Variants in DLEC1 observed in about 807,000 individuals in gnomAD.
DLEC1 encodes DLEC1 cilia and flagella associated protein.
A neutral mutation model predicts 198.1 loss-of-function variants in DLEC1; 146 were observed. That is an observed-to-expected ratio of 0.74 (90% CI 0.64 to 0.85). The LOEUF (loss-of-function observed/expected upper bound fraction) is 0.85, where lower values mean the gene tolerates loss of function less well. Ranked by LOEUF, DLEC1 falls within the 40% of genes least tolerant of loss-of-function variation. DLEC1 has a pLI of 0.00. For missense variants in DLEC1, 2,233 were observed against 2,220.0 expected, an observed-to-expected ratio of 1.01 and a Z score of -0.12; for synonymous variants, 897 against 866.8, an observed-to-expected ratio of 1.03 and a Z score of -0.61.
chr3:38,108,361 G>A, intron 20 of DLEC1, 44 bp from the exon 21 acceptor site: 1 of 1,512,116 alleles, frequency 6.6e-7, no homozygotes, highest in Non-Finnish European at 9.2e-7. Context: ...GGTCCATTCT[G>A]GGAGCCCAGT....
intron 2 of DLEC1, among the ~76,000 whole-genome samples, chr3:38,057,491 CA>C (rs112173978): frequency 2.5e-4 from 35 of 139,088 alleles, no homozygotes; most frequent in Non-Finnish European, 2.3e-4. Context: ...GACTGTGTCT[CA>C]AAAAAAAAAA....
At chr3:38,100,099 A>G (rs1248596627) in intron 18 of DLEC1, among the ~76,000 whole-genome samples, 187 bp from the exon 19 acceptor site, 1 of 152,112 alleles carries the variant, frequency 6.6e-6, no homozygotes, top group East Asian at 1.9e-4. Flanking sequence ...CTCAGTTTCT[A>G]TGCTCTTAAT....
chr3:38,093,801 C>A, intron 12 of DLEC1, 34 bp downstream of exon 12: 2 of 1,608,552 alleles, frequency 1.2e-6, no homozygotes, highest in Non-Finnish European at 1.7e-6. Flanking sequence ...CAATACCCAA[C>A]CCTTCTTCTT....
At chr3:38,095,171 C>T in intron 13 of DLEC1, 100 bp downstream of exon 13, 2 of 1,459,876 alleles carry the variant, frequency 1.4e-6, no homozygotes, top group Non-Finnish European at 9.4e-7. Flanking sequence ...GCTGGGCCCA[C>T]CGAGGTGCTA....
In DLEC1 at chr3:38,115,006, G is replaced by A. The variant is rs771806931; in HGVS notation, c.3809G>A (p.Gly1270Glu). 3 of 1,613,992 alleles carry A rather than the reference G, an allele frequency of 1.9e-6. No homozygotes were observed. The highest frequency in any genetic ancestry group is 2.5e-6 in the Non-Finnish European group (3 of 1,179,928). Reference sequence around the variant, plus strand: ...AGGTTCGGCACCCAGGTCTCCGGAGGAGACACAGTTACCCGAACCCTTCGC... The same window carrying A: ...AGGTTCGGCACCCAGGTCTCCGGAGAAGACACAGTTACCCGAACCCTTCGC... The part of the protein sequence containing the change: ...AMRFGTQVSG[G>E]DTVTRTLRLN... The change falls in exon 27 of 37, where the codon GGA (glycine) becomes GAA (glutamate). Residue 1270 changes from glycine (G) to glutamate (E), a missense_variant. Coordinates refer to ENST00000308059, the MANE Select transcript of DLEC1 (RefSeq NM_007335.4).
intron 6 of DLEC1, among the ~76,000 whole-genome samples, chr3:38,073,599 G>A (rs529296984): frequency 3.9e-4 from 60 of 152,270 alleles, no homozygotes; most frequent in Middle Eastern, 3.4e-3. Context: ...AGTAGTCAGG[G>A]AAGCAGATAA....
intron 6 of DLEC1, among the ~76,000 whole-genome samples, chr3:38,080,961 G>A (rs566738974): frequency 6.6e-5 from 9 of 137,166 alleles, no homozygotes; most frequent in South Asian, 2.4e-4. Context: ...AGGACCCTGC[G>A]GCCTTCCGCA....
rs1700510474 is a variant in DLEC1 at position 38,122,186 on chromosome 3, C to T, written c.5136C>T (p.Phe1712=). 6.2e-7 allele frequency: 1 copy of T among 1,613,940 alleles called. No homozygotes were observed. Among genetic ancestry groups the T allele is most frequent in the Admixed American group, 1.7e-5 (1 of 59,994 alleles). The change falls in exon 36 of 37, where the codon TTC becomes TTT. Residue 1712 remains phenylalanine, a synonymous_variant. Transcript: ENST00000308059. ...PPTSIALQVF[F]TARSSELYES... ...CCTCCATCGCCTTGCAGGTTTTCTT[C>T]ACTGCCAGGTGCAGCCCCTTCCAAC...
chr3:38,095,867 G>A, intron 13 of DLEC1, 21 bp from the exon 14 acceptor site: 2 of 1,613,730 alleles, frequency 1.2e-6, no homozygotes, highest in East Asian at 2.2e-5. Flanking sequence ...GTGTTTTCAG[G>A]GCACTGTGTT....
chr3:38,057,508 A>G (rs535888997), intron 2 of DLEC1, among the ~76,000 whole-genome samples: 2 of 152,184 alleles, frequency 1.3e-5, no homozygotes, highest in African/African-American at 4.8e-5. Context: ...AAAAAGAACT[A>G]CATGGATCAC....
At position 38,059,731 on chromosome 3, in the gene DLEC1, C is replaced by G. The variant is rs1472825277; in HGVS notation, c.563-11C>G. 1 of 1,610,002 alleles carries G rather than the reference C, an allele frequency of 6.2e-7. No homozygotes were observed. Among genetic ancestry groups the G allele is most frequent in the South Asian group, 1.1e-5 (1 of 90,318 alleles). On this transcript the variant is annotated splice_polypyrimidine_tract_variant and intron_variant, in intron 2 of 36. Transcript: ENST00000308059. ...TGGAAACACCTTGTTCTCCCCTTCC[C>G]TTCTATGAAGTGAAGAGTGTCTCCA...
In DLEC1 at chr3:38,066,230, A is replaced by G. The variant is rs3792522; in HGVS notation, c.1173+2311A>G. Among the ~76,000 whole-genome samples the G allele has an allele frequency of 3.2e-4, 48 of 152,334 alleles. No homozygotes were observed. In the East Asian group the frequency reaches 9.2e-3, roughly 29 times the overall value. On this transcript the variant is annotated intron_variant, in intron 6 of 36. Transcript: ENST00000308059. Reference sequence around the variant, plus strand: ...CACTTAATAGTTAACAGCCTAGATGACTGCCAGATGACTATTGTCCAGATC... The same window carrying G: ...CACTTAATAGTTAACAGCCTAGATGGCTGCCAGATGACTATTGTCCAGATC...
chr3:38,093,885 A>T (rs1237993664), intron 12 of DLEC1, 118 bp downstream of exon 12: 32 of 1,329,700 alleles, frequency 2.4e-5, no homozygotes, highest in Non-Finnish European at 2.8e-5. Context: ...CACAGAATGG[A>T]TATCCAAATT....
At chr3:38,074,885 G>A (rs1697521194) in intron 6 of DLEC1, among the ~76,000 whole-genome samples, 3 of 152,298 alleles carry the variant, frequency 2.0e-5, no homozygotes, top group Non-Finnish European at 4.4e-5. Context: ...AGAGAGGTCT[G>A]ATAGAGAAAA....
intron 19 of DLEC1, 46 bp from the exon 20 acceptor site, chr3:38,107,535 TTAC>T (rs1371303572): frequency 6.7e-7 from 1 of 1,490,896 alleles, no homozygotes; most frequent in Non-Finnish European, 9.0e-7. Flanking sequence ...AGGGACAGCT[TTAC>T]TTCTTCTTTT....
intron 20 of DLEC1, 119 bp downstream of exon 20, chr3:38,107,856 A>C: frequency 8.5e-7 from 1 of 1,178,492 alleles, no homozygotes; most frequent in Non-Finnish European, 1.2e-6. Context: ...CCTCCCTCCC[A>C]CAGCCTGTCC....
At chr3:38,062,907 A>G in intron 5 of DLEC1, 106 bp downstream of exon 5, 1 of 1,220,466 alleles carries the variant, frequency 8.2e-7, no homozygotes, top group Non-Finnish European at 1.1e-6. Flanking sequence ...CTTGTGGGGC[A>G]GGGTAGCAGT....
At chr3:38,115,505 C>G (rs1700106035) in intron 27 of DLEC1, among the ~76,000 whole-genome samples, 1 of 143,480 alleles carries the variant, frequency 7.0e-6, no homozygotes, top group South Asian at 2.1e-4. Context: ...TAGGCTGAGT[C>G]TAAGAGGAAG....
chr3:38,093,501 T>C, intron 11 of DLEC1, 104 bp from the exon 12 acceptor site: 4 of 1,388,530 alleles, frequency 2.9e-6, no homozygotes, highest in Non-Finnish European at 3.0e-6. Context: ...GGAATCATGG[T>C]CAAGGCCAGC....
Sources: gnomAD v4.1 joint callset for allele counts (sites outside exome capture counted in the v4.1 genomes callset) on GRCh38, gnomAD v4.1.1 for gene constraint, MANE v1.5 for transcripts, NCBI Gene and HGNC (gene_info 2026-07-23, HGNC 2026-07-21) for gene names.